Variants in ZEB2 observed in about 807,000 individuals in gnomAD.
The protein encoded by ZEB2 is zinc finger E-box-binding homeobox 2.
In ZEB2, 6 loss-of-function variants were observed where a neutral mutation model predicts 99.9. The ratio of observed to expected loss-of-function variants is 0.06; its 90% CI spans 0.03 to 0.12. The LOEUF (loss-of-function observed/expected upper bound fraction) is 0.12. Among genes scored for constraint, ZEB2 ranks in the 10% least tolerant of loss-of-function variants. The pLI, the probability that ZEB2 is intolerant of heterozygous loss-of-function variation, is 1.00. For synonymous variants in ZEB2, 517 were observed against 542.5 expected (o/e 0.95, Z 0.65); for missense variants, 969 against 1,502.8 (o/e 0.64, Z 5.87).
intron 2 of ZEB2, among the ~76,000 whole-genome samples, chr2:144,484,963 G>A (rs17678182): frequency 0.049 from 7,423 of 152,232 alleles, 286 homozygotes; most frequent in Non-Finnish European, 0.073. Flanking sequence ...GAATTTTCTG[G>A]TCCTGGGTCC....
chr2:144,475,389 G>T (rs1259470338), intron 2 of ZEB2, among the ~76,000 whole-genome samples: 1 of 151,834 alleles, frequency 6.6e-6, no homozygotes, highest in Non-Finnish European at 1.5e-5. Context: ...ATCTCTATTC[G>T]CAACTAAAAA....
intron 2 of ZEB2, among the ~76,000 whole-genome samples, chr2:144,432,288 G>A (rs1163213668): frequency 6.6e-6 from 1 of 152,108 alleles, no homozygotes; most frequent in Non-Finnish European, 1.5e-5. Flanking sequence ...ACAAATAGTA[G>A]TAAATACTTT....
intron 4 of ZEB2, among the ~76,000 whole-genome samples, chr2:144,422,669 G>A (rs1419803267): frequency 2.0e-5 from 3 of 152,120 alleles, no homozygotes; most frequent in Admixed American, 6.5e-5. Flanking sequence ...GCATGGTGGT[G>A]CATGCCTGAA....
At chr2:144,470,278 C>A (rs1213831769) in intron 2 of ZEB2, among the ~76,000 whole-genome samples, 1 of 152,076 alleles carries the variant, frequency 6.6e-6, no homozygotes, top group Non-Finnish European at 1.5e-5. Flanking sequence ...AACTTGAGGG[C>A]AAATAATGTT....
At position 144,409,913 on chromosome 2, in the gene ZEB2, G is replaced by T. The variant is rs953716083; in HGVS notation, c.404-4889C>A. Among the ~76,000 whole-genome samples the T allele has an allele frequency of 5.0e-4, 67 of 133,410 alleles. 1 individual carries two copies. The highest frequency in any genetic ancestry group is 1.5e-3 in the South Asian group (6 of 4,130). 87.5% of individuals were successfully genotyped at this position (133,410 alleles called of 152,430 possible). On this transcript the variant is annotated intron_variant, in intron 4 of 9. Coordinates refer to ENST00000627532, the MANE Select transcript of ZEB2 (RefSeq NM_014795.4). ...TCAAAAAAACCAAAAAAAAGTTGTTGTTTTTTTTTTTTTTTTGAGACAGAG... is the reference window on the plus strand; with the variant it reads ...TCAAAAAAACCAAAAAAAAGTTGTTTTTTTTTTTTTTTTTTTGAGACAGAG...
chr2:144,475,811 C>T (rs1278710135), intron 2 of ZEB2, among the ~76,000 whole-genome samples: 1 of 152,200 alleles, frequency 6.6e-6, no homozygotes, highest in East Asian at 1.9e-4. Flanking sequence ...TTGGATTCAA[C>T]TTATCTCTAC....
intron 4 of ZEB2, among the ~76,000 whole-genome samples, chr2:144,421,705 C>G (rs1225778953): frequency 2.0e-5 from 3 of 151,390 alleles, no homozygotes; most frequent in Non-Finnish European, 1.5e-5. Context: ...TCCTCCCCAC[C>G]CACCAGGAGC....
chr2:144,455,717 A>G (rs140081581), intron 2 of ZEB2, among the ~76,000 whole-genome samples: 166 of 152,256 alleles, frequency 1.1e-3, no homozygotes, highest in African/African-American at 3.9e-3. Context: ...AATAGTGAAT[A>G]TGGAATTTTG....
rs1703080464 is a variant in ZEB2, at chr2:144,386,166, A to G, written c.*3285T>C. ...CCCCTGCCCCCTATTCGAGGGGGGA[A>G]AGGTTAGATTTAGAACTAAGCGTGT... On this transcript the variant is annotated 3_prime_UTR_variant, in exon 10 of 10. Transcript: ENST00000627532. 1 of 152,118 alleles carries G rather than the reference A, an allele frequency of 6.6e-6. No homozygotes were observed. Among genetic ancestry groups the G allele is most frequent in the Non-Finnish European group, 1.5e-5 (1 of 68,006 alleles). 9.4% of individuals were successfully genotyped at this position (152,118 alleles called of 1,614,324 possible).
intron 2 of ZEB2, among the ~76,000 whole-genome samples, chr2:144,434,178 A>G (rs1036718246): frequency 6.6e-6 from 1 of 152,216 alleles, no homozygotes; most frequent in Non-Finnish European, 1.5e-5. Flanking sequence ...GTAAAGGAAA[A>G]TTACATATGC....
At chr2:144,517,496 G>A (rs1418070493) in intron 1 of ZEB2, 77 bp from the exon 2 acceptor site, 16 of 977,432 alleles carry the variant, frequency 1.6e-5, no homozygotes, top group Non-Finnish European at 2.5e-5. Context: ...AGGGGAGCCG[G>A]GCCAGGGCCC....
intron 2 of ZEB2, among the ~76,000 whole-genome samples, chr2:144,502,373 T>C (rs1388187259): frequency 6.6e-6 from 1 of 152,176 alleles, no homozygotes; most frequent in South Asian, 2.1e-4. Flanking sequence ...AATGCTTGTT[T>C]GGAAGTTTCT....
At chr2:144,519,750 G>A (rs1264120401) in intron 1 of ZEB2, 189 bp downstream of exon 1, 27 of 346,802 alleles carry the variant, frequency 7.8e-5, no homozygotes, top group South Asian at 4.8e-4. Context: ...AAGAGAAAGC[G>A]AAGAAGCCAC....
chr2:144,399,810 C>T lies in ZEB2; in HGVS notation c.1377G>A (p.Glu459=), dbSNP rs181497371. The change falls in exon 8 of 10, where the codon GAG becomes GAA. Residue 459 remains glutamate (E), a synonymous_variant. Transcript: ENST00000627532. This position sits in a 1 kb window ranked among gnomAD's most constrained non-coding sequence, Gnocchi z 5.6. ...CCACAATCTGTAGAACCTTTTGTACCTCACTTAAATTACTATTCATGGTGG... is the reference window on the plus strand; with the variant it reads ...CCACAATCTGTAGAACCTTTTGTACTTCACTTAAATTACTATTCATGGTGG... ...GFPTMNSNLS[E]VQKVLQIVDN... 4.3e-6 allele frequency: 7 copies of T among 1,614,160 alleles called. No individual in the cohort carries two copies. In the Admixed American group the frequency reaches 1.2e-4, roughly 27 times the overall value.
At chr2:144,488,063 G>A (rs1482388975) in intron 2 of ZEB2, among the ~76,000 whole-genome samples, 1 of 152,162 alleles carries the variant, frequency 6.6e-6, no homozygotes, top group East Asian at 1.9e-4. Flanking sequence ...CTAAAGCCAG[G>A]GGAGCTTTGG....
chr2:144,519,058 C>T (rs1276369143), intron 1 of ZEB2, among the ~76,000 whole-genome samples: 1 of 152,182 alleles, frequency 6.6e-6, no homozygotes, highest in Non-Finnish European at 1.5e-5. Context: ...ATCACTGTTC[C>T]TGGGAACTCC....
At chr2:144,508,510 CTT>C (rs1704982828) in intron 2 of ZEB2, among the ~76,000 whole-genome samples, 1 of 152,148 alleles carries the variant, frequency 6.6e-6, no homozygotes, top group Non-Finnish European at 1.5e-5. Context: ...CACCTACACT[CTT>C]TTTCGAAACT....
intron 4 of ZEB2, among the ~76,000 whole-genome samples, chr2:144,407,692 C>CACA (rs1266530359): frequency 4.6e-5 from 7 of 152,180 alleles, no homozygotes. Context: ...ACTATGACAG[C>CACA]ACAAAGTAAC....
chr2:144,438,805 T>C (rs1475493448), intron 2 of ZEB2, among the ~76,000 whole-genome samples: 3 of 152,186 alleles, frequency 2.0e-5, no homozygotes, highest in Non-Finnish European at 4.4e-5. Context: ...CATTATTTAC[T>C]GTGTAGTATG....
Sources: gnomAD v4.1 joint callset for allele counts (sites outside exome capture counted in the v4.1 genomes callset) on GRCh38, gnomAD v4.1.1 for gene constraint, Gnocchi (gnomAD v3.1) non-coding constraint, MANE v1.5 for transcripts, NCBI Gene and HGNC (gene_info 2026-07-23, HGNC 2026-07-21) for gene names.